The following TSPAN14 variants were observed in gnomAD, a reference collection of about 807,000 sequenced individuals.
The protein encoded by TSPAN14 is tetraspanin 14.
In TSPAN14, 16 loss-of-function variants were observed where a neutral mutation model predicts 36.6. The ratio of observed to expected loss-of-function variants is 0.44; its 90% CI spans 0.30 to 0.66. The LOEUF (loss-of-function observed/expected upper bound fraction) is 0.66, where lower values mean the gene tolerates loss of function less well. Among genes scored for constraint, TSPAN14 ranks in the 30% least tolerant of loss-of-function variants. The pLI is 0.12. For synonymous variants in TSPAN14, 139 were observed against 143.8 expected, an observed-to-expected ratio of 0.97 and a Z score of 0.24; for missense variants, 231 against 355.1, an observed-to-expected ratio of 0.65 and a Z score of 2.81.
intron 6 of TSPAN14, among the ~76,000 whole-genome samples, chr10:80,513,785 C>T (rs1398246386): frequency 6.6e-6 from 1 of 152,240 alleles, no homozygotes; most frequent in Non-Finnish European, 1.5e-5. Flanking sequence ...GGCTCTCATG[C>T]AACAAAAGCG....
At position 80,509,384 on chromosome 10, in the gene TSPAN14, C is replaced by T. The variant is rs1840485112; in HGVS notation, c.363C>T (p.Asp121=). Residue 121 remains aspartate (D), a synonymous_variant, in exon 5 of 9, where the codon GAC becomes GAT. Transcript: ENST00000429989. This position sits in a 1 kb window ranked among gnomAD's most constrained non-coding sequence, Gnocchi z 4.7. ...TCCTGTTCCAGGACTGGGTGAGGGA[C>T]CGGTTCCGGGAGTTCTTCGAGAGCA... The T allele has an allele frequency of 5.6e-6, 9 of 1,614,024 alleles. No homozygotes were observed. Among genetic ancestry groups the T allele is most frequent in the Non-Finnish European group, 7.6e-6 (9 of 1,180,040 alleles).
Position 80,509,807 on chromosome 10 carries a change from G to T in TSPAN14, c.450+336G>T. On this transcript the variant is annotated intron_variant, in intron 5 of 8. Transcript: ENST00000429989. The surrounding 1 kb of genome is among the most constrained non-coding windows in gnomAD (Gnocchi z 4.7). ...ATACCAGCTGCAATCCTCCTTAGGC[G>T]CTGCATACCGTAAGGCACAGCTTCT... is the stretch of plus-strand genomic sequence containing the variant. 1 of 260,242 alleles carries T rather than the reference G, an allele frequency of 3.8e-6. No individual in the cohort carries two copies. Among genetic ancestry groups the T allele is most frequent in the Non-Finnish European group, 7.5e-6 (1 of 133,710 alleles). The allele number at this position is 260,242 out of a possible 1,614,324, so 16.1% of individuals were successfully genotyped here. A position where few individuals can be genotyped will look rare whatever the true frequency, so the allele number is the denominator to read the frequency against.
intron 1 of TSPAN14, among the ~76,000 whole-genome samples, chr10:80,471,509 C>G (rs1464612307): frequency 3.3e-5 from 5 of 152,198 alleles, no homozygotes; most frequent in Admixed American, 3.3e-4. Flanking sequence ...CTGATGTGCT[C>G]TTACCAGGGG....
chr10:80,479,610 T>C (rs1340064724), intron 1 of TSPAN14, among the ~76,000 whole-genome samples: 2 of 152,170 alleles, frequency 1.3e-5, no homozygotes, highest in Non-Finnish European at 2.9e-5. Context: ...TGTAGATATG[T>C]GGCGTTATTT....
intron 1 of TSPAN14, among the ~76,000 whole-genome samples, chr10:80,483,959 A>T (rs1343150611): frequency 2.2e-4 from 30 of 138,782 alleles, no homozygotes; most frequent in African/African-American, 7.4e-4. Flanking sequence ...AAAGTGTAAA[A>T]TAGGCCAGGC....
Position 80,496,623 on chromosome 10 carries a change from A to G in TSPAN14, c.81+7309A>G, listed in dbSNP as rs570714492. ...GTCCCATTTCCCTAGGACATTGTTT[A>G]TCTAGGGCACAGAGGCTCGGTTTAG... On this transcript the variant is annotated intron_variant, in intron 2 of 8. Transcript: ENST00000429989. Among the ~76,000 whole-genome samples, 5 of 152,186 alleles carry G rather than the reference A, an allele frequency of 3.3e-5. No homozygotes were observed. In the South Asian group the frequency reaches 1.0e-3, roughly 32 times the overall value.
intron 7 of TSPAN14, among the ~76,000 whole-genome samples, chr10:80,514,983 A>G (rs1215307904): frequency 2.0e-5 from 3 of 152,100 alleles, no homozygotes; most frequent in Admixed American, 1.3e-4. Context: ...TCCGACACTG[A>G]ATTTGCCAGT....
At chr10:80,456,769 A>G (rs963444985) in intron 1 of TSPAN14, among the ~76,000 whole-genome samples, 13 of 152,250 alleles carry the variant, frequency 8.5e-5, no homozygotes, top group Non-Finnish European at 1.9e-4. Flanking sequence ...AATCCTTGAA[A>G]ACAGCTGTGA....
chr10:80,482,054 A>G (rs56853581), intron 1 of TSPAN14, among the ~76,000 whole-genome samples: 2,076 of 152,278 alleles, frequency 0.014, 35 homozygotes, highest in African/African-American at 0.045. Flanking sequence ...CGCTCAGCCT[A>G]CATGCAGACA....
At chr10:80,508,847 G>T (rs532132462) in intron 4 of TSPAN14, among the ~76,000 whole-genome samples, 1 of 152,170 alleles carries the variant, frequency 6.6e-6, no homozygotes, top group Non-Finnish European at 1.5e-5. Context: ...GTGTAGTGGG[G>T]AGTCATCAGA....
At chr10:80,505,773 C>G (rs1840259778) in intron 3 of TSPAN14, among the ~76,000 whole-genome samples, 2 of 152,224 alleles carry the variant, frequency 1.3e-5, no homozygotes, top group African/African-American at 2.4e-5. Flanking sequence ...GGGACTGCAG[C>G]CGCCTAACTG....
chr10:80,495,658 T>C (rs1848162810), intron 2 of TSPAN14, among the ~76,000 whole-genome samples: 1 of 152,248 alleles, frequency 6.6e-6, no homozygotes, highest in South Asian at 2.1e-4. Context: ...TGTGCTTGTA[T>C]AACTCTGCCT....
In TSPAN14 at chr10:80,521,913, A is replaced by G. The variant is rs926175349; in HGVS notation, c.*3937A>G. 2.3e-3 allele frequency: 335 copies of G among 142,960 alleles called. 2 individuals carry two copies. The highest frequency in any genetic ancestry group is 8.9e-3 in the African/African-American group (319 of 36,006). The allele number at this position is 142,960 out of a possible 1,614,324, so 8.9% of individuals were successfully genotyped here. ...CACTCCAGCCTGGGCTCAAAAAAGA[A>G]AAAAAAAAAAAAAAAAAGGCCCGTT... On this transcript the variant is annotated 3_prime_UTR_variant, in exon 9 of 9. Transcript: ENST00000429989.
chr10:80,457,076 C>T (rs1167139680), intron 1 of TSPAN14, among the ~76,000 whole-genome samples: 1 of 151,654 alleles, frequency 6.6e-6, no homozygotes, highest in Non-Finnish European at 1.5e-5. Flanking sequence ...AAACAAAAAA[C>T]AAAAAGCAAA....
chr10:80,511,461 C>T (rs866788136), intron 5 of TSPAN14, among the ~76,000 whole-genome samples: 42 of 152,110 alleles, frequency 2.8e-4, no homozygotes, highest in African/African-American at 9.9e-4. Flanking sequence ...GAGGGGGCCA[C>T]AAAGGAGAGG....
chr10:80,481,818 T>G (rs1847293476), intron 1 of TSPAN14, among the ~76,000 whole-genome samples: 1 of 152,018 alleles, frequency 6.6e-6, no homozygotes, highest in Non-Finnish European at 1.5e-5. Context: ...TGAGTCTCGC[T>G]CTGTCGCTCA....
rs573960700 is a variant in TSPAN14 at position 80,467,475 on chromosome 10, G to T, written c.-18+13104G>T. Among the ~76,000 whole-genome samples, 47 of 152,288 alleles carry T rather than the reference G, an allele frequency of 3.1e-4. No homozygotes were observed. In the South Asian group the frequency reaches 6.0e-3, roughly 20 times the overall value. On this transcript the variant is annotated intron_variant, in intron 1 of 8. Transcript: ENST00000429989. ...ACCTTGGTGGGTCACTTCCTGGGGT[G>T]TAGATTCTTACTAGAAAATGGAAGT... is the stretch of plus-strand genomic sequence containing the variant.
At chr10:80,490,696 G>T (rs182061871) in intron 2 of TSPAN14, among the ~76,000 whole-genome samples, 11 of 152,192 alleles carry the variant, frequency 7.2e-5, no homozygotes, top group African/African-American at 2.4e-4. Flanking sequence ...AAGTGAAGGG[G>T]ATGACTCTTG....
At chr10:80,510,806 G>A (rs562605195) in intron 5 of TSPAN14, among the ~76,000 whole-genome samples, 13 of 152,178 alleles carry the variant, frequency 8.5e-5, no homozygotes, top group Non-Finnish European at 1.6e-4. Context: ...CCCGGGAGGC[G>A]GAACTGGCAG....
Sources: allele counts gnomAD v4.1 joint callset (sites outside exome capture counted in the v4.1 genomes callset), GRCh38; gene constraint gnomAD v4.1.1; non-coding constraint Gnocchi (gnomAD v3.1); transcripts MANE v1.5; gene names NCBI Gene and HGNC (gene_info 2026-07-23, HGNC 2026-07-21).